The following ANO1 variants were observed in gnomAD, a reference collection of about 807,000 sequenced individuals.
ANO1 encodes anoctamin 1.
ANO1 carries 59 observed loss-of-function variants against 124.0 expected under a neutral mutation model. The observed-to-expected ratio is 0.48, with a 90% CI of 0.39 to 0.59. The LOEUF is 0.59. ANO1 is among the 20% of genes least tolerant of loss of function. ANO1 has a pLI of 0.00. For synonymous variants in ANO1, 529 were observed against 532.0 expected, an observed-to-expected ratio of 0.99 and a Z score of 0.08; for missense variants, 1,059 against 1,328.0, an observed-to-expected ratio of 0.80 and a Z score of 3.15.
intron 1 of ANO1, among the ~76,000 whole-genome samples, chr11:70,080,121 G>A (rs984414987): frequency 8.5e-5 from 13 of 152,364 alleles, no homozygotes; most frequent in African/African-American, 1.2e-4. Flanking sequence ...GTGATGGAAC[G>A]TTACCCGTTA....
chr11:70,049,952 C>T (rs1406266645), intron 1 of ANO1, among the ~76,000 whole-genome samples: 2 of 152,208 alleles, frequency 1.3e-5, no homozygotes, highest in African/African-American at 2.4e-5. Flanking sequence ...AACTCCTGAC[C>T]TCAGGTGATC....
intron 24 of ANO1, 136 bp downstream of exon 24, chr11:70,182,822 A>G: frequency 1.1e-6 from 1 of 913,482 alleles, no homozygotes; most frequent in Non-Finnish European, 1.5e-6. Flanking sequence ...GAAGGAAAAA[A>G]AAAAAGGCTG....
intron 1 of ANO1, among the ~76,000 whole-genome samples, chr11:70,001,044 G>A (rs1377106086): frequency 2.0e-5 from 3 of 152,190 alleles, no homozygotes; most frequent in African/African-American, 7.2e-5. Context: ...ATAGTCTGTG[G>A]CCCAGCAAAG....
chr11:70,145,147 C>A (rs908959969), intron 11 of ANO1, among the ~76,000 whole-genome samples: 1 of 152,148 alleles, frequency 6.6e-6, no homozygotes, highest in Non-Finnish European at 1.5e-5. Context: ...GTTCTTCCTG[C>A]CTTCGCTCAC....
At chr11:70,069,439 T>C (rs1857813291) in intron 1 of ANO1, among the ~76,000 whole-genome samples, 1 of 151,872 alleles carries the variant, frequency 6.6e-6, no homozygotes, top group South Asian at 2.1e-4. Flanking sequence ...TTCCGATGGG[T>C]TTAAGGGAAA....
At chr11:69,998,665 C>T (rs1856321387) in intron 1 of ANO1, among the ~76,000 whole-genome samples, 1 of 152,080 alleles carries the variant, frequency 6.6e-6, no homozygotes, top group Non-Finnish European at 1.5e-5. Context: ...AAAGAAATAC[C>T]TGGCCAGGCG....
rs761582037 is a variant in ANO1 at position 70,161,283 on chromosome 11, C to T, written c.1701C>T (p.Thr567=). ...ACATCCGGGTCACAGTCACAGCCAC[C>T]GCAGTCATCATCAACCTAGTGGTCA... is the stretch of plus-strand genomic sequence containing the variant. ...RSNIRVTVTA[T]AVIINLVVII... is the part of the protein sequence containing the mutation. The change falls in exon 17 of 26, where the codon ACC becomes ACT. Residue 567 remains threonine, a synonymous_variant. Coordinates refer to ENST00000355303, the MANE Select transcript of ANO1 (RefSeq NM_018043.7). The T allele has an allele frequency of 1.6e-5, 26 of 1,613,796 alleles. No homozygotes were observed. The highest frequency in any genetic ancestry group is 5.0e-5 in the Admixed American group (3 of 60,016).
At chr11:70,060,269 G>A (rs1857543598) in intron 1 of ANO1, among the ~76,000 whole-genome samples, 1 of 152,220 alleles carries the variant, frequency 6.6e-6, no homozygotes, top group African/African-American at 2.4e-5. Flanking sequence ...GGCTTGTTGG[G>A]AAGTGGTGGA....
At chr11:69,976,641 G>T in the ANO1 span, among the ~76,000 whole-genome samples, 1 of 150,234 alleles carries the variant, frequency 6.7e-6, no homozygotes, top group Non-Finnish European at 1.5e-5. Context: ...CCATCTGCAA[G>T]CCAAGGAGAG....
chr11:70,076,146 G>A (rs2044053878), upstream of ANO1, among the ~76,000 whole-genome samples: 1 of 152,156 alleles, frequency 6.6e-6, no homozygotes, highest in African/African-American at 2.4e-5. Context: ...GGATACTGGA[G>A]AGAAAAAAAG....
chr11:69,987,120 T>C (rs528003098), intron 1 of ANO1, among the ~76,000 whole-genome samples: 1 of 152,224 alleles, frequency 6.6e-6, no homozygotes, highest in East Asian at 1.9e-4. Context: ...TTTCTAGAAG[T>C]GACACTGTAT....
At chr11:70,122,027 TC>T (rs1467023261) in intron 8 of ANO1, among the ~76,000 whole-genome samples, 6 of 109,830 alleles carry the variant, frequency 5.5e-5, no homozygotes, top group South Asian at 3.7e-4. Flanking sequence ...TCTCTCCATC[TC>T]CCCCGCCTCT....
At chr11:70,169,347 C>T (rs1004539627) in intron 21 of ANO1, among the ~76,000 whole-genome samples, 3 of 152,114 alleles carry the variant, frequency 2.0e-5, no homozygotes, top group African/African-American at 7.2e-5. Flanking sequence ...CTGACTTTCT[C>T]CCCACCCCAT....
chr11:70,013,840 C>T lies in ANO1; in HGVS notation c.58+27674C>T, dbSNP rs149681647. Reference sequence around the variant, plus strand: ...AAAAGAAAAGAAAAAGTGTCACTGACTAGGCTTCAACAGCATGAATGTGTT... The same window carrying T: ...AAAAGAAAAGAAAAAGTGTCACTGATTAGGCTTCAACAGCATGAATGTGTT... On this transcript the variant is annotated intron_variant, in intron 1 of 27. Coordinates refer to the ANO1 transcript ENST00000531349. Among the ~76,000 whole-genome samples the T allele has an allele frequency of 3.4e-4, 15 of 44,254 alleles. No homozygotes were observed. In the East Asian group the frequency reaches 0.023, roughly 69 times the overall value. The allele number at this position is 44,254 out of a possible 152,430, so 29.0% of individuals were successfully genotyped here.
rs570506028 is a variant in ANO1, at chr11:70,003,397, G to A, written c.58+17231G>A. Among the ~76,000 whole-genome samples the A allele has an allele frequency of 4.6e-5, 7 of 152,330 alleles. No homozygotes were observed. In the South Asian group the frequency reaches 1.5e-3, roughly 32 times the overall value. On this transcript the variant is annotated intron_variant, in intron 1 of 27. Coordinates refer to the ANO1 transcript ENST00000531349. Reference sequence around the variant, plus strand: ...GTCCCACTGGTCTCAGGACAGCTTGGCAGCATGTCGTCACCAATTCTCCCA... The same window carrying A: ...GTCCCACTGGTCTCAGGACAGCTTGACAGCATGTCGTCACCAATTCTCCCA...
chr11:70,038,243 A>G (rs1315063488), intron 1 of ANO1, among the ~76,000 whole-genome samples: 1 of 152,140 alleles, frequency 6.6e-6, no homozygotes, highest in Non-Finnish European at 1.5e-5. Flanking sequence ...CTTATTTGGA[A>G]ACCCTCCTGA....
intron 1 of ANO1, among the ~76,000 whole-genome samples, chr11:69,991,978 C>T (rs1856164018): frequency 6.6e-6 from 1 of 152,228 alleles, no homozygotes; most frequent in South Asian, 2.1e-4. Context: ...TCTCTTAGAG[C>T]ATGCAGCAGC....
At chr11:70,170,195 C>G (rs1196020170) in intron 21 of ANO1, 3 of 454,872 alleles carry the variant, frequency 6.6e-6, no homozygotes, top group African/African-American at 2.0e-5. Flanking sequence ...CAGGGAGCCC[C>G]CATGATGGAA....
At chr11:70,032,092 A>C (rs1444705831) in intron 1 of ANO1, among the ~76,000 whole-genome samples, 1 of 152,210 alleles carries the variant, frequency 6.6e-6, no homozygotes. Context: ...CTTGCAGTCC[A>C]GGGAGGAAGG....
Sources: allele counts gnomAD v4.1 joint callset (sites outside exome capture counted in the v4.1 genomes callset), GRCh38; gene constraint gnomAD v4.1.1; transcripts MANE v1.5; gene names NCBI Gene and HGNC (gene_info 2026-07-23, HGNC 2026-07-21).